The following CAND1 variants were observed in gnomAD, a reference collection of about 807,000 sequenced individuals.
CAND1 encodes cullin associated and neddylation dissociated 1.
In CAND1, 7 loss-of-function variants were observed where a neutral mutation model predicts 108.5. The observed-to-expected ratio is 0.06, with a 90% CI of 0.04 to 0.12. The LOEUF (loss-of-function observed/expected upper bound fraction) is 0.12. CAND1 is among the 10% of genes least tolerant of loss of function. The probability of loss-of-function intolerance (pLI) is 1.00; values close to 1 mark genes in which losing one functional copy is unlikely to be tolerated. For synonymous variants in CAND1, 534 were observed against 512.0 expected, an observed-to-expected ratio of 1.04 and a Z score of -0.58; for missense variants, 941 against 1,448.7, an observed-to-expected ratio of 0.65 and a Z score of 5.69.
In CAND1 at chr12:67,311,764, A is replaced by G. The variant is rs370767792; in HGVS notation, c.3432A>G (p.Arg1144=). 1.2e-6 allele frequency: 2 copies of G among 1,611,650 alleles called. No individual in the cohort carries two copies. The highest frequency in any genetic ancestry group is 1.7e-6 in the Non-Finnish European group (2 of 1,177,996). The change falls in exon 14 of 15, where the codon CGA becomes CGG. Residue 1144 remains arginine, a synonymous_variant. Transcript: ENST00000545606. Reference sequence around the variant, plus strand: ...GTGCAGTACTGCAGAGGTTGGACCGACTTGTTGAGCCATTACGTGCAACAT... The same window carrying G: ...GTGCAGTACTGCAGAGGTTGGACCGGCTTGTTGAGCCATTACGTGCAACAT... ...CPSAVLQRLD[R]LVEPLRATCT...
chr12:67,310,401 C>A, intron 13 of CAND1, 85 bp downstream of exon 13: 1 of 990,594 alleles, frequency 1.0e-6, no homozygotes, highest in Non-Finnish European at 1.5e-6. Context: ...ACTCATGTGT[C>A]TGAGAAAAAT....
intron 1 of CAND1, among the ~76,000 whole-genome samples, chr12:67,278,594 C>T (rs2044591824): frequency 6.6e-6 from 1 of 152,206 alleles, no homozygotes. Context: ...TCTCGGCTCA[C>T]TGCAACCTCT....
chr12:67,273,573 T>C lies in CAND1; in HGVS notation c.68+3788T>C, dbSNP rs565666428. 2.2e-4 allele frequency among the ~76,000 whole-genome samples: 34 copies of C among 151,198 alleles called. No homozygotes were observed. The Middle Eastern group carries it at 0.014, about 62-fold the overall frequency. On this transcript the variant is annotated intron_variant, in intron 1 of 14. Coordinates refer to ENST00000545606, the MANE Select transcript of CAND1 (RefSeq NM_018448.5). The stretch of plus-strand genomic sequence containing the variant: ...TCAACTCACTGCAGCTTCAACCTCC[T>C]GGGCTCAAGCGATTTTCTTCCCACC...
rs1377770313 is a variant in CAND1 at position 67,305,904 on chromosome 12, T to A, written c.2236T>A (p.Leu746Ile). Residue 746 changes from leucine to isoleucine, a missense_variant, in exon 10 of 15, where the codon TTA becomes ATA. Physicochemically the swap from Leu to Ile is conservative, Grantham distance 5. Transcript: ENST00000545606. This position sits in a 1 kb window ranked among gnomAD's most constrained non-coding sequence, Gnocchi z 4.4. Reference sequence around the variant, plus strand: ...ACTTATTGGACTTGTGAGATCACCCTTATTGCAGGGGGGAGCTCTTAGTGC... The same window carrying A: ...ACTTATTGGACTTGTGAGATCACCCATATTGCAGGGGGGAGCTCTTAGTGC... ...NELIGLVRSP[L>I]LQGGALSAML... is the part of the protein sequence containing the mutation. 1.2e-6 allele frequency: 2 copies of A among 1,613,960 alleles called. No homozygotes were observed. Among genetic ancestry groups the A allele is most frequent in the Non-Finnish European group, 1.7e-6 (2 of 1,179,920 alleles).
rs1348892294 is a variant in CAND1 at position 67,269,653 on chromosome 12, G to A, written c.-65G>A. ...GAGGAGGAGCTCCAGTGGCGGCGGC[G>A]GCGGCGGCAGCGGCAGCGGGCAGCA... On this transcript the variant is annotated 5_prime_UTR_variant, in exon 1 of 15. Transcript: ENST00000545606. The A allele has an allele frequency of 4.9e-6, 7 of 1,432,352 alleles. No homozygotes were observed. The highest frequency in any genetic ancestry group is 5.0e-5 in the East Asian group (2 of 40,062). 88.7% of individuals were successfully genotyped at this position (1,432,352 alleles called of 1,614,324 possible). A position where few individuals can be genotyped will look rare whatever the true frequency, so the allele number is the denominator to read the frequency against.
intron 2 of CAND1, among the ~76,000 whole-genome samples, chr12:67,286,766 A>T (rs1027474763): frequency 2.0e-5 from 3 of 152,150 alleles, no homozygotes; most frequent in Admixed American, 2.0e-4. Context: ...TTTTCTCCAA[A>T]TAAGATTTCT....
chr12:67,304,338 G>C (rs750815699), intron 8 of CAND1, among the ~76,000 whole-genome samples: 8 of 152,066 alleles, frequency 5.3e-5, no homozygotes, highest in Non-Finnish European at 8.8e-5. Context: ...ATTAAGTAGG[G>C]AAGACTATTT....
At chr12:67,276,320 A>G (rs2044568931) in intron 1 of CAND1, among the ~76,000 whole-genome samples, 1 of 152,090 alleles carries the variant, frequency 6.6e-6, no homozygotes, top group African/African-American at 2.4e-5. Context: ...TTGCTCATCT[A>G]TTTGGTATAT....
chr12:67,298,942 G>T lies in CAND1; in HGVS notation c.855-8G>T. ...GCTCTTCAAGGCAGCTTTTGTTTTT[G>T]TCTTTAGATGTCCTAAGGAAGTATA... On this transcript the variant is annotated splice_polypyrimidine_tract_variant and splice_region_variant and intron_variant, in intron 6 of 14. Coordinates refer to ENST00000545606, the MANE Select transcript of CAND1 (RefSeq NM_018448.5). 1 of 1,504,386 alleles carries T rather than the reference G, an allele frequency of 6.6e-7. No individual in the cohort carries two copies. Among genetic ancestry groups the T allele is most frequent in the Non-Finnish European group, 9.2e-7 (1 of 1,087,108 alleles). The allele number at this position is 1,504,386 out of a possible 1,614,324, so 93.2% of individuals were successfully genotyped here. A position where few individuals can be genotyped will look rare whatever the true frequency, so the allele number is the denominator to read the frequency against.
rs763376579 is a variant in CAND1, at chr12:67,306,192, C to G, written c.2524C>G (p.Leu842Val). 1 of 1,614,098 alleles carries G rather than the reference C, an allele frequency of 6.2e-7. No homozygotes were observed. The highest frequency in any genetic ancestry group is 1.1e-5 in the South Asian group (1 of 91,076). Reference sequence around the variant, plus strand: ...CATTCGTCTCTTAGCTCTACTTTCTCTTGGAGAAGTTGGGCATCATATTGA... The same window carrying G: ...CATTCGTCTCTTAGCTCTACTTTCTGTTGGAGAAGTTGGGCATCATATTGA... ...DSIRLLALLS[L>V]GEVGHHIDLS... The change falls in exon 10 of 15, where the codon CTT becomes GTT. Residue 842 changes from leucine (L) to valine (V), a missense_variant. This residue lies in a region of CAND1 where 697 missense variants were observed against 942.0 expected (regional missense o/e 0.74). Transcript: ENST00000545606.
At chr12:67,308,688 C>T (rs187363518) in intron 11 of CAND1, among the ~76,000 whole-genome samples, 2 of 152,130 alleles carry the variant, frequency 1.3e-5, no homozygotes, top group African/African-American at 4.8e-5. Context: ...ATTTTAGATG[C>T]TTTACTGAAA....
At chr12:67,293,427 A>G (rs1479345653) in intron 3 of CAND1, among the ~76,000 whole-genome samples, 1 of 152,198 alleles carries the variant, frequency 6.6e-6, no homozygotes, top group Non-Finnish European at 1.5e-5. Flanking sequence ...TGAGATTATC[A>G]CCTATTTCAT....
At chr12:67,307,566 T>G (rs2044901080) in intron 11 of CAND1, 74 bp downstream of exon 11, 1 of 878,964 alleles carries the variant, frequency 1.1e-6, no homozygotes. Flanking sequence ...ACTTAGTAAC[T>G]AGAAATATCG....
chr12:67,290,098 A>G (rs1334852085), intron 2 of CAND1, among the ~76,000 whole-genome samples: 2 of 152,230 alleles, frequency 1.3e-5, no homozygotes, highest in South Asian at 2.1e-4. Context: ...CCTTTTGTAT[A>G]AAGCAGTTCT....
chr12:67,273,687 G>A (rs988366950), intron 1 of CAND1, among the ~76,000 whole-genome samples: 1 of 151,718 alleles, frequency 6.6e-6, no homozygotes, highest in African/African-American at 2.4e-5. Context: ...ATGTTTCCCA[G>A]GCTGGTCTCA....
intron 2 of CAND1, among the ~76,000 whole-genome samples, chr12:67,285,941 A>G (rs1349909706): frequency 6.6e-6 from 1 of 152,182 alleles, no homozygotes; most frequent in East Asian, 1.9e-4. Flanking sequence ...ACTACTGTGA[A>G]TAAATATACA....
Position 67,269,915 on chromosome 12 carries a change from C to T in CAND1, c.68+130C>T, listed in dbSNP as rs115866053. 2,988 of 683,352 alleles carry T rather than the reference C, an allele frequency of 4.4e-3. 12 individuals are homozygous for T. The highest frequency in any genetic ancestry group is 6.8e-3 in the Non-Finnish European group (2,765 of 408,938). 42.3% of individuals were successfully genotyped at this position (683,352 alleles called of 1,614,324 possible). On this transcript the variant is annotated intron_variant, in intron 1 of 14. Coordinates refer to ENST00000545606, the MANE Select transcript of CAND1 (RefSeq NM_018448.5). ...CTCTGCCCCGAAGTCTCCAGCCCACCGGTCCGCTGGCCTCCCGATCCCTGC... is the reference window on the plus strand; with the variant it reads ...CTCTGCCCCGAAGTCTCCAGCCCACTGGTCCGCTGGCCTCCCGATCCCTGC...
chr12:67,304,570 A>C, intron 8 of CAND1, 35 bp from the exon 9 acceptor site: 1 of 1,604,734 alleles, frequency 6.2e-7, no homozygotes, highest in Non-Finnish European at 8.5e-7. Flanking sequence ...AAATACCAAC[A>C]GCTGAACCAG....
In CAND1 at chr12:67,297,608, A is replaced by C; in HGVS notation, c.693A>C (p.Thr231=). ...ELSKNDSMST[T]RTYIQCIAAI... ...CCAAAAATGATTCTATGTCAACAAC[A>C]AGAACCTACATACAATGTATTGCTG... The change falls in exon 5 of 15, where the codon ACA becomes ACC. Residue 231 remains threonine (T), a synonymous_variant. Transcript: ENST00000545606. 6.2e-7 allele frequency: 1 copy of C among 1,614,072 alleles called. No individual in the cohort carries two copies. Among genetic ancestry groups the C allele is most frequent in the Non-Finnish European group, 8.5e-7 (1 of 1,179,940 alleles).
Sources: allele counts gnomAD v4.1 joint callset (sites outside exome capture counted in the v4.1 genomes callset), GRCh38; gene constraint gnomAD v4.1.1; regional missense constraint gnomAD v4.1.1; non-coding constraint Gnocchi (gnomAD v3.1); transcripts MANE v1.5; gene names NCBI Gene and HGNC (gene_info 2026-07-23, HGNC 2026-07-21).